The following LRRC57 variants were observed in gnomAD, a reference collection of about 807,000 sequenced individuals.
The protein encoded by LRRC57 is leucine-rich repeat-containing protein 57.
LRRC57 carries 14 observed loss-of-function variants against 23.1 expected under a neutral mutation model. The ratio of observed to expected loss-of-function variants is 0.61; its 90% confidence interval spans 0.40 to 0.95. LRRC57 has a LOEUF of 0.95. Ranked by LOEUF, LRRC57 falls within the 40% of genes least tolerant of loss-of-function variation. LRRC57 has a pLI of 0.00. For synonymous variants in LRRC57, 106 were observed against 115.2 expected (o/e 0.92, Z 0.51); for missense variants, 236 against 284.4 (o/e 0.83, Z 1.22).
chr15:42,532,599 T>C, the LRRC57 span: 3 of 152,664 alleles, frequency 2.0e-5, no homozygotes, highest in Admixed American at 1.3e-4. Flanking sequence ...TAAATATATA[T>C]GTGTAACATG....
chr15:42,536,210 ATG>A (rs2057600044), downstream of LRRC57, among the ~76,000 whole-genome samples: 1 of 152,258 alleles, frequency 6.6e-6, no homozygotes, highest in Admixed American at 6.5e-5. Flanking sequence ...AATTTTCAAA[ATG>A]TGAGACAAAG....
rs1429964423 is a variant in LRRC57, at chr15:42,541,519, A to G, written c.*2564T>C. ...CTCAAAAAAGAAAGTAACATATGGG[A>G]AAAAGAGAACACCTAGACCAGATTT... On this transcript the variant is annotated 3_prime_UTR_variant, in exon 6 of 6. Coordinates refer to ENST00000397130, the MANE Select transcript of LRRC57 (RefSeq NM_153260.3). 6.6e-6 allele frequency: 1 copy of G among 152,192 alleles called. No homozygotes were observed. The highest frequency in any genetic ancestry group is 1.5e-5 in the Non-Finnish European group (1 of 68,036). 9.4% of individuals were successfully genotyped at this position (152,192 alleles called of 1,614,324 possible). A position where few individuals can be genotyped will look rare whatever the true frequency, so the allele number is the denominator to read the frequency against.
Position 42,539,807 on chromosome 15 carries a change from G to C in LRRC57, c.*4276C>G, listed in dbSNP as rs1455002010. ...TAGTCTATCATGAAAGATAAATATA[G>C]AATGTGAGAAGTGCTATAGTAACAG... On this transcript the variant is annotated 3_prime_UTR_variant, in exon 6 of 6. Coordinates refer to ENST00000397130, the MANE Select transcript of LRRC57 (RefSeq NM_153260.3). 2 of 152,188 alleles carry C rather than the reference G, an allele frequency of 1.3e-5. No homozygotes were observed. The highest frequency in any genetic ancestry group is 1.3e-4 in the Admixed American group (2 of 15,274). The allele number at this position is 152,188 out of a possible 1,614,324, so 9.4% of individuals were successfully genotyped here.
Position 42,541,701 on chromosome 15 carries a change from G to C in LRRC57, c.*2382C>G, listed in dbSNP as rs966989931. The C allele has an allele frequency of 6.6e-6, 1 of 151,866 alleles. No homozygotes were observed. The highest frequency in any genetic ancestry group is 1.5e-5 in the Non-Finnish European group (1 of 68,008). The allele number at this position is 151,866 out of a possible 1,614,324, so 9.4% of individuals were successfully genotyped here. A position where few individuals can be genotyped will look rare whatever the true frequency, so the allele number is the denominator to read the frequency against. On this transcript the variant is annotated 3_prime_UTR_variant, in exon 6 of 6. Coordinates refer to ENST00000397130, the MANE Select transcript of LRRC57 (RefSeq NM_153260.3). ...AAATCAGAAAATGACCAAAATGGTA[G>C]CTTTCTAAATGTTGATGTTAGTGGT...
chr15:42,535,656 C>T (rs1037816364), downstream of LRRC57, among the ~76,000 whole-genome samples: 1 of 152,068 alleles, frequency 6.6e-6, no homozygotes, highest in African/African-American at 2.4e-5. Context: ...TCAGGTGATC[C>T]GCCCACCTCG....
rs1321137831 is a variant in LRRC57 at position 42,542,864 on chromosome 15, GCA to G, written c.*1217_*1218del. ...GTCTGCTGGTGCTTCTCTTGACAAA[GCA>G]CACTTTTTTTTTGTTTCCCCCGAGA... On this transcript the variant is annotated 3_prime_UTR_variant, in exon 6 of 6. Transcript: ENST00000397130. 1 of 152,510 alleles carries G rather than the reference GCA, an allele frequency of 6.6e-6. No homozygotes were observed. Among genetic ancestry groups the G allele is most frequent in the Non-Finnish European group, 1.5e-5 (1 of 68,038 alleles). The allele number at this position is 152,510 out of a possible 1,614,324, so 9.4% of individuals were successfully genotyped here.
At chr15:42,547,228 T>C in intron 4 of LRRC57, 33 bp downstream of exon 4, 8 of 1,602,746 alleles carry the variant, frequency 5.0e-6, no homozygotes, top group Non-Finnish European at 6.8e-6. Flanking sequence ...GCCACACATA[T>C]GCTGTAGGAA....
At chr15:42,547,570 G>GCTGA in intron 3 of LRRC57, 41 bp from the exon 4 acceptor site, 1 of 1,558,066 alleles carries the variant, frequency 6.4e-7, no homozygotes, top group Non-Finnish European at 8.7e-7. Flanking sequence ...ATGTGATAGA[G>GCTGA]CTGAAAACAA....
At position 42,545,233 on chromosome 15, in the gene LRRC57, G is replaced by C. The variant is rs113081875; in HGVS notation, c.522C>G (p.Cys174Trp). The change falls in exon 5 of 6, where the codon TGC becomes TGG. Residue 174 changes from cysteine (C) to tryptophan (W), a missense_variant. Cys to Trp is a radical substitution (Grantham distance 215). Coordinates refer to ENST00000397130, the MANE Select transcript of LRRC57 (RefSeq NM_153260.3). The part of the protein sequence containing the change: ...QISQISVKIS[C>W]CPRLKILRLE... ...GGCGAAGAATTTTAAGGCGTGGACA[G>C]CAAGATATCTTCACTGAGATCTGAG... is the stretch of plus-strand genomic sequence containing the variant. The C allele has an allele frequency of 1.3e-6, 2 of 1,583,764 alleles. No homozygotes were observed. Among genetic ancestry groups the C allele is most frequent in the South Asian group, 2.3e-5 (2 of 85,928 alleles).
Position 42,544,842 on chromosome 15 carries a change from C to CACTA in LRRC57, c.678+234_678+235insTAGT. On this transcript the variant is annotated intron_variant, in intron 5 of 5. Transcript: ENST00000397130. ...ACACACACACACACACACACACACA[C>CACTA]TATATATATATATATATCAAAAGAC... Among the ~76,000 whole-genome samples the CACTA allele has an allele frequency of 8.4e-4, 82 of 98,036 alleles. 2 individuals carry two copies. Among genetic ancestry groups the CACTA allele is most frequent in the African/African-American group, 2.4e-3 (36 of 15,044 alleles). The allele number at this position is 98,036 out of a possible 152,430, so 64.3% of individuals were successfully genotyped here.
intron 3 of LRRC57, 30 bp from the exon 4 acceptor site, chr15:42,547,559 A>G: frequency 6.3e-7 from 1 of 1,585,526 alleles, no homozygotes. Context: ...TTAAAACCTG[A>G]ATGTGATAGA....
chr15:42,548,063 A>C, intron 3 of LRRC57, 43 bp downstream of exon 3: 1 of 1,607,834 alleles, frequency 6.2e-7, no homozygotes, highest in South Asian at 1.1e-5. Context: ...CACCCCTGGT[A>C]ACAGCTGATC....
rs548233901 is a variant in LRRC57, at chr15:42,539,022, A to C, written c.*5061T>G. ...ACAGGAAGACCCCGTCTTTCTAAAA[A>C]ATTAAAAATTAGCTGAGTGTGGTGG... On this transcript the variant is annotated 3_prime_UTR_variant, in exon 6 of 6. Coordinates refer to ENST00000397130, the MANE Select transcript of LRRC57 (RefSeq NM_153260.3). 1 of 152,214 alleles carries C rather than the reference A, an allele frequency of 6.6e-6. No homozygotes were observed. The allele number at this position is 152,214 out of a possible 1,614,324, so 9.4% of individuals were successfully genotyped here.
the LRRC57 span, chr15:42,531,500 T>C: frequency 6.3e-7 from 1 of 1,575,268 alleles, no homozygotes; most frequent in East Asian, 2.3e-5. Context: ...TTCTTCTTTA[T>C]CATTTATTCA....
At chr15:42,528,634 G>A in the LRRC57 span, among the ~76,000 whole-genome samples, 1 of 152,148 alleles carries the variant, frequency 6.6e-6, no homozygotes, top group African/African-American at 2.4e-5. Flanking sequence ...TGCCCAGGCT[G>A]GAGTGCAGTG....
At position 42,544,842 on chromosome 15, in the gene LRRC57, C is replaced by CAATATATA; in HGVS notation, c.678+234_678+235insTATATATT. ...ACACACACACACACACACACACACA[C>CAATATATA]TATATATATATATATATCAAAAGAC... On this transcript the variant is annotated intron_variant, in intron 5 of 5. Coordinates refer to ENST00000397130, the MANE Select transcript of LRRC57 (RefSeq NM_153260.3). Among the ~76,000 whole-genome samples the CAATATATA allele has an allele frequency of 5.5e-4, 54 of 97,946 alleles. 1 individual carries two copies. The highest frequency in any genetic ancestry group is 9.4e-4 in the South Asian group (3 of 3,188). The allele number at this position is 97,946 out of a possible 152,430, so 64.3% of individuals were successfully genotyped here.
chr15:42,529,072 CAG>C, the LRRC57 span, among the ~76,000 whole-genome samples: 2 of 152,230 alleles, frequency 1.3e-5, no homozygotes, highest in Non-Finnish European at 2.9e-5. Context: ...TGTAACGAGC[CAG>C]AGAGTTAATA....
At chr15:42,528,735 G>A in the LRRC57 span, among the ~76,000 whole-genome samples, 1 of 151,986 alleles carries the variant, frequency 6.6e-6, no homozygotes, top group Non-Finnish European at 1.5e-5. Context: ...ACAGGTGTGC[G>A]CCACCACGCC....
At chr15:42,532,922 A>G (rs1566822981), downstream of LRRC57, 2 of 152,666 alleles carry the variant, frequency 1.3e-5, no homozygotes, top group African/African-American at 2.4e-5. Context: ...GTGGATCCTG[A>G]AAAGTGTTAT....
Sources: gnomAD v4.1 joint callset for allele counts (sites outside exome capture counted in the v4.1 genomes callset) on GRCh38, gnomAD v4.1.1 for gene constraint, MANE v1.5 for transcripts, NCBI Gene and HGNC (gene_info 2026-07-23, HGNC 2026-07-21) for gene names.